Variants in LHPP observed in about 807,000 individuals in gnomAD.
LHPP encodes the protein hLHPP.
A neutral mutation model predicts 30.3 loss-of-function variants in LHPP; 24 were observed. That is an observed-to-expected ratio of 0.79 (90% CI 0.57 to 1.11). LHPP has a LOEUF of 1.11. Among genes scored for constraint, LHPP ranks in the 50% most tolerant of loss-of-function variants. LHPP has a pLI of 0.00. For missense variants in LHPP, 356 were observed against 367.2 expected (o/e 0.97, Z 0.25); for synonymous variants, 150 against 157.1 (o/e 0.95, Z 0.34).
At chr10:124,556,768 T>A (rs532486045) in intron 6 of LHPP, among the ~76,000 whole-genome samples, 2 of 152,360 alleles carry the variant, frequency 1.3e-5, no homozygotes, top group Admixed American at 1.3e-4. Context: ...ATAATGAGAC[T>A]AAAGGCTTTT....
chr10:124,596,410 C>T lies in LHPP; in HGVS notation c.717-16854C>T, dbSNP rs1480076316. Among the ~76,000 whole-genome samples the T allele has an allele frequency of 1.3e-5, 2 of 152,194 alleles. No homozygotes were observed. Among genetic ancestry groups the T allele is most frequent in the African/African-American group, 2.4e-5 (1 of 41,444 alleles). ...CCATAGCACCATGTCTTCTGCAGCACACGATGTGGCCGGACCTCTCCACGC... is the reference window on the plus strand; with the variant it reads ...CCATAGCACCATGTCTTCTGCAGCATACGATGTGGCCGGACCTCTCCACGC... On this transcript the variant is annotated intron_variant, in intron 6 of 6. Transcript: ENST00000368842. The surrounding 1 kb of genome is among the most constrained non-coding windows in gnomAD (Gnocchi z 4.6).
intron 2 of LHPP, 148 bp downstream of exon 2, chr10:124,484,474 G>A: frequency 1.3e-6 from 1 of 750,002 alleles, no homozygotes; most frequent in Non-Finnish European, 2.2e-6. Context: ...AACCTCATGG[G>A]ACTTCCTGCT....
chr10:124,598,041 A>T (rs1033047413), intron 6 of LHPP, among the ~76,000 whole-genome samples: 1 of 152,050 alleles, frequency 6.6e-6, no homozygotes. Flanking sequence ...ATCCAAGTGC[A>T]TGGCAGTGAG....
At chr10:124,607,164 C>T (rs1484088012) in intron 6 of LHPP, among the ~76,000 whole-genome samples, 1 of 152,218 alleles carries the variant, frequency 6.6e-6, no homozygotes, top group African/African-American at 2.4e-5. Context: ...CTGCCGAGGA[C>T]ACACCTTTGC....
intron 6 of LHPP, among the ~76,000 whole-genome samples, chr10:124,606,580 G>A (rs1207500295): frequency 6.6e-6 from 1 of 152,216 alleles, no homozygotes; most frequent in African/African-American, 2.4e-5. Context: ...CTTTTGTTTC[G>A]TTTCAGAGTG....
intron 6 of LHPP, among the ~76,000 whole-genome samples, chr10:124,529,703 C>T (rs1349563413): frequency 6.6e-6 from 1 of 152,204 alleles, no homozygotes; most frequent in Non-Finnish European, 1.5e-5. Context: ...GCCCTGCACT[C>T]TGTCCCAGCA....
At chr10:124,587,759 AAAAAAAC>A (rs1178542173) in intron 6 of LHPP, among the ~76,000 whole-genome samples, 6 of 143,204 alleles carry the variant, frequency 4.2e-5, no homozygotes, top group Non-Finnish European at 4.6e-5. Flanking sequence ...AAAAAAAAAA[AAAAAAAC>A]CAAAAAAACC....
At chr10:124,598,767 C>G (rs1289528584) in intron 6 of LHPP, among the ~76,000 whole-genome samples, 1 of 150,656 alleles carries the variant, frequency 6.6e-6, no homozygotes, top group Non-Finnish European at 1.5e-5. Flanking sequence ...CCATCCCTGC[C>G]CATTCATCCA....
At chr10:124,503,570 G>A (rs1042714588) in intron 5 of LHPP, among the ~76,000 whole-genome samples, 1 of 152,016 alleles carries the variant, frequency 6.6e-6, no homozygotes, top group South Asian at 2.1e-4. Flanking sequence ...TTAGGGAATT[G>A]GCTTAACATT....
rs531678337 is a variant in LHPP, at chr10:124,519,693, G to C, written c.716+2422G>C. Among the ~76,000 whole-genome samples, 13 of 152,214 alleles carry C rather than the reference G, an allele frequency of 8.5e-5. No homozygotes were observed. The South Asian group carries it at 2.7e-3, about 32-fold the overall frequency. On this transcript the variant is annotated intron_variant, in intron 6 of 6. Transcript: ENST00000368842. ...TTATAAGTGAGAACATACAGTGTTTGGTTTTCCAGTCCTGAGTTACCTCCA... is the reference window on the plus strand; with the variant it reads ...TTATAAGTGAGAACATACAGTGTTTCGTTTTCCAGTCCTGAGTTACCTCCA...
intron 3 of LHPP, among the ~76,000 whole-genome samples, chr10:124,492,311 T>G (rs1410084591): frequency 6.6e-6 from 1 of 152,298 alleles, no homozygotes; most frequent in South Asian, 2.1e-4. Context: ...GTTTCTCATA[T>G]AAATAAAATG....
At chr10:124,507,182 A>G (rs1354770763) in intron 5 of LHPP, among the ~76,000 whole-genome samples, 3 of 35,434 alleles carry the variant, frequency 8.5e-5, no homozygotes, top group African/African-American at 1.1e-4. Context: ...ATTTCAGGTC[A>G]GGGGGATAGA....
chr10:124,541,040 T>C lies in LHPP; in HGVS notation c.716+23769T>C, dbSNP rs1955171297. Among the ~76,000 whole-genome samples the C allele has an allele frequency of 6.6e-6, 1 of 152,248 alleles. No homozygotes were observed. Among genetic ancestry groups the C allele is most frequent in the South Asian group, 2.1e-4 (1 of 4,836 alleles). ...ATAATTCAAAAATCCATTAAATTAT[T>C]TAACAGCTTTTTTAATGGAGGAAGG... On this transcript the variant is annotated intron_variant, in intron 6 of 6. Transcript: ENST00000368842. The surrounding 1 kb of genome is among the most constrained non-coding windows in gnomAD (Gnocchi z 4.2).
chr10:124,465,286 G>C (rs780114424), intron 1 of LHPP, among the ~76,000 whole-genome samples: 12 of 152,264 alleles, frequency 7.9e-5, no homozygotes, highest in Non-Finnish European at 1.6e-4. Context: ...TGGGGTGGGG[G>C]AGTGGGTACA....
At chr10:124,475,770 C>T (rs1027774543) in intron 1 of LHPP, among the ~76,000 whole-genome samples, 12 of 152,050 alleles carry the variant, frequency 7.9e-5, no homozygotes, top group East Asian at 1.9e-4. Flanking sequence ...TCAGGGACGT[C>T]GGGCTGCTGC....
At chr10:124,587,831 G>T (rs1380607300) in intron 6 of LHPP, among the ~76,000 whole-genome samples, 1 of 151,946 alleles carries the variant, frequency 6.6e-6, no homozygotes. Context: ...TGTCTCAGGG[G>T]TGGCAGTGGA....
intron 6 of LHPP, among the ~76,000 whole-genome samples, chr10:124,611,137 G>A (rs1425700091): frequency 1.3e-5 from 2 of 151,926 alleles, no homozygotes; most frequent in Non-Finnish European, 2.9e-5. Context: ...GGCCGTGCTT[G>A]GGACGGCCAG....
At chr10:124,579,543 A>G (rs2133989902) in intron 6 of LHPP, among the ~76,000 whole-genome samples, 1 of 152,230 alleles carries the variant, frequency 6.6e-6, no homozygotes, top group Non-Finnish European at 1.5e-5. Context: ...TTTTTTCATG[A>G]TCACAGATCA....
chr10:124,479,618 G>A (rs376664892), intron 1 of LHPP, among the ~76,000 whole-genome samples: 22 of 152,272 alleles, frequency 1.4e-4, no homozygotes, highest in African/African-American at 4.8e-4. Context: ...AGCAGGTGCC[G>A]GCTTGCTGTG....
Sources: gnomAD v4.1 joint callset for allele counts (sites outside exome capture counted in the v4.1 genomes callset) on GRCh38, gnomAD v4.1.1 for gene constraint, Gnocchi (gnomAD v3.1) non-coding constraint, MANE v1.5 for transcripts, NCBI Gene and HGNC (gene_info 2026-07-23, HGNC 2026-07-21) for gene names.